Variants in SGCA observed in about 807,000 individuals in gnomAD.
SGCA encodes alpha-sarcoglycan.
A neutral mutation model predicts 38.1 loss-of-function variants in SGCA; 34 were observed. The observed-to-expected ratio is 0.89, with a 90% CI of 0.68 to 1.19. The LOEUF is 1.19. SGCA is among the 50% of genes most tolerant of loss of function. The pLI is 0.00. For synonymous variants in SGCA, 209 were observed against 214.6 expected (o/e 0.97, Z 0.23); for missense variants, 476 against 524.9 (o/e 0.91, Z 0.91).
rs533768162 is a variant in SGCA at position 50,172,982 on chromosome 17, C to G, written c.984-2275C>G. On this transcript the variant is annotated intron_variant, in intron 8 of 9. Transcript: ENST00000262018. ...ATTCCTCAATTTTTTTGGACTGAAC[C>G]AAATTTAAACACTAACATCTACTGG... 2.6e-5 allele frequency among the ~76,000 whole-genome samples: 4 copies of G among 152,184 alleles called. No individual in the cohort carries two copies. In the South Asian group the frequency reaches 8.3e-4, roughly 32 times the overall value.
intron 6 of SGCA, chr17:50,169,878 C>T (rs1221498769): frequency 5.3e-6 from 3 of 569,836 alleles, no homozygotes; most frequent in Non-Finnish European, 9.5e-6. Context: ...ATGCTCACCA[C>T]CACTCCAGGA....
chr17:50,175,476 T>C, intron 9 of SGCA, 27 bp downstream of exon 9: 1 of 1,587,108 alleles, frequency 6.3e-7, no homozygotes, highest in Non-Finnish European at 8.6e-7. Context: ...ATGCCAGCCT[T>C]ATTTCTGGGA....
In SGCA at chr17:50,166,035, G is replaced by A; in HGVS notation, c.-6G>A. On this transcript the variant is annotated 5_prime_UTR_variant, in exon 1 of 10. Transcript: ENST00000262018. ...TCACTCACCGGGCGGGCCAGGCCGG[G>A]CAGCCATGGCTGAGACACTCTTCTG... 1.9e-6 allele frequency: 3 copies of A among 1,613,046 alleles called. No homozygotes were observed. The highest frequency in any genetic ancestry group is 2.5e-6 in the Non-Finnish European group (3 of 1,179,160).
Position 50,170,134 on chromosome 17 carries a change from T to A in SGCA, c.748-9T>A. 1 of 1,613,464 alleles carries A rather than the reference T, an allele frequency of 6.2e-7. No individual in the cohort carries two copies. The highest frequency in any genetic ancestry group is 1.1e-5 in the South Asian group (1 of 91,040). Reference sequence around the variant, plus strand: ...CACTTCCTGCGTCAGCCCTGAGCTCTCTGTGCAGGTGGATAAGTCAGTGCC... The same window carrying A: ...CACTTCCTGCGTCAGCCCTGAGCTCACTGTGCAGGTGGATAAGTCAGTGCC... On this transcript the variant is annotated splice_polypyrimidine_tract_variant and intron_variant, in intron 6 of 9. Coordinates refer to ENST00000262018, the MANE Select transcript of SGCA (RefSeq NM_000023.4).
At chr17:50,173,148 A>T (rs1342421862) in intron 8 of SGCA, among the ~76,000 whole-genome samples, 1 of 152,270 alleles carries the variant, frequency 6.6e-6, no homozygotes, top group African/African-American at 2.4e-5. Flanking sequence ...GTGCAACGTT[A>T]GCCTTGGCTG....
chr17:50,172,034 G>C (rs1311048679), intron 8 of SGCA: 1 of 455,944 alleles, frequency 2.2e-6, no homozygotes, highest in Non-Finnish European at 4.4e-6. Context: ...TTCTCTCCCT[G>C]GGGTAGGTGA....
intron 9 of SGCA, 75 bp from the exon 10 acceptor site, chr17:50,175,637 G>A (rs1237273861): frequency 4.3e-6 from 3 of 696,364 alleles, no homozygotes; most frequent in Non-Finnish European, 7.8e-6. Flanking sequence ...AGCACTCGCA[G>A]TTGGAGTGTC....
At chr17:50,169,611 C>G (rs949982844) in intron 6 of SGCA, 2 of 347,330 alleles carry the variant, frequency 5.8e-6, no homozygotes, top group African/African-American at 4.1e-5. Flanking sequence ...GCTCTGTCTG[C>G]TTTTCTGTAA....
In SGCA at chr17:50,175,832, GA is replaced by G. The variant is rs201486782; in HGVS notation, c.*134del. 4,247 of 479,998 alleles carry G rather than the reference GA, an allele frequency of 8.8e-3. 38 individuals carry two copies. Among genetic ancestry groups the G allele is most frequent in the Non-Finnish European group, 0.013 (3,224 of 242,976 alleles). 29.7% of individuals were successfully genotyped at this position (479,998 alleles called of 1,614,324 possible). On this transcript the variant is annotated 3_prime_UTR_variant, in exon 10 of 10. Coordinates refer to ENST00000262018, the MANE Select transcript of SGCA (RefSeq NM_000023.4). The stretch of plus-strand genomic sequence containing the variant: ...AACCCAGGCTCTAAACAAGCAGGGA[GA>G]GGGGGTGGGGTGGGGTGAGAGTGTG...
At position 50,167,717 on chromosome 17, in the gene SGCA, G is replaced by C. The variant is rs137852621; in HGVS notation, c.293G>C (p.Arg98Pro). The C allele has an allele frequency of 1.9e-6, 3 of 1,611,560 alleles. No individual in the cohort carries two copies. Among genetic ancestry groups the C allele is most frequent in the African/African-American group, 2.7e-5 (2 of 74,858 alleles). ...FLYGSATPED[R>P]GLQVIEVTAY... ...TACGGCTCTGCCACCCCAGAAGATCGTGGGCTCCAGGTCATTGAGGTGCCG... is the reference window on the plus strand; with the variant it reads ...TACGGCTCTGCCACCCCAGAAGATCCTGGGCTCCAGGTCATTGAGGTGCCG... Residue 98 changes from arginine (R) to proline (P), a missense_variant, in exon 3 of 10, where the codon CGT (arginine) becomes CCT (proline). Physicochemically the swap from Arg to Pro is moderately radical, Grantham distance 103. Coordinates refer to ENST00000262018, the MANE Select transcript of SGCA (RefSeq NM_000023.4). The surrounding 1 kb of genome is among the most constrained non-coding windows in gnomAD (Gnocchi z 4.5).
chr17:50,168,231 A>G (rs1300946220), intron 4 of SGCA, 143 bp from the exon 5 acceptor site: 1 of 828,156 alleles, frequency 1.2e-6, no homozygotes, highest in Admixed American at 2.0e-5. Flanking sequence ...GACTATTGGG[A>G]CTTGGCTTGT....
intron 5 of SGCA, 101 bp downstream of exon 5, chr17:50,168,673 G>A (rs530380742): frequency 1.4e-5 from 14 of 1,032,890 alleles, no homozygotes; most frequent in Non-Finnish European, 1.9e-5. Context: ...GCTTTACCAC[G>A]CACATCTCCA....
intron 6 of SGCA, 139 bp from the exon 7 acceptor site, chr17:50,170,004 C>G: frequency 1.4e-6 from 1 of 733,064 alleles, no homozygotes; most frequent in East Asian, 2.7e-5. Flanking sequence ...GACCCTAGAG[C>G]TGTGCGCTAA....
chr17:50,168,681 C>A, intron 5 of SGCA, 109 bp downstream of exon 5: 1 of 957,924 alleles, frequency 1.0e-6, no homozygotes, highest in Non-Finnish European at 1.6e-6. Context: ...ACGCACATCT[C>A]CACCTCCCAG....
At chr17:50,169,489 C>T (rs1905204326) in intron 6 of SGCA, 12 of 555,292 alleles carry the variant, frequency 2.2e-5, no homozygotes, top group South Asian at 9.1e-5. Context: ...CAACAGAGTC[C>T]GCAATCCGCA....
At chr17:50,173,543 A>G (rs547383976) in intron 8 of SGCA, among the ~76,000 whole-genome samples, 39 of 152,098 alleles carry the variant, frequency 2.6e-4, no homozygotes, top group East Asian at 7.7e-4. Context: ...TCCCCAGCAC[A>G]TTTTTCCACC....
intron 6 of SGCA, chr17:50,169,455 T>C (rs1598269275): frequency 2.1e-6 from 1 of 474,140 alleles, no homozygotes; most frequent in South Asian, 2.8e-5. Flanking sequence ...ACCCCTGAAG[T>C]TCTACCTTTC....
In SGCA at chr17:50,175,308, G is replaced by A. The variant is rs374989747; in HGVS notation, c.1035G>A (p.Arg345=). 8 of 1,608,674 alleles carry A rather than the reference G, an allele frequency of 5.0e-6. No individual in the cohort carries two copies. The East Asian group carries it at 1.3e-4, about 27-fold the overall frequency. Residue 345 remains arginine (R), a synonymous_variant, in exon 9 of 10, where the codon CGG becomes CGA. Coordinates refer to ENST00000262018, the MANE Select transcript of SGCA (RefSeq NM_000023.4). ...CTIHGNTEEL[R]QMAASREVPR... Reference sequence around the variant, plus strand: ...TCCACGGGAACACAGAGGAGCTGCGGCAGATGGCGGCCAGCCGCGAGGTGC... The same window carrying A: ...TCCACGGGAACACAGAGGAGCTGCGACAGATGGCGGCCAGCCGCGAGGTGC...
In SGCA at chr17:50,167,353, G is replaced by C; in HGVS notation, c.38-15G>C. 6.2e-7 allele frequency: 1 copy of C among 1,614,032 alleles called. No homozygotes were observed. The highest frequency in any genetic ancestry group is 2.2e-5 in the East Asian group (1 of 44,876). ...AGGCTGGCCTGTGTGTTTGGGACTT[G>C]TGGGGTCCCCACAGTTCTCCTGGCA... On this transcript the variant is annotated splice_polypyrimidine_tract_variant and intron_variant, in intron 1 of 9. Coordinates refer to ENST00000262018, the MANE Select transcript of SGCA (RefSeq NM_000023.4). This position sits in a 1 kb window ranked among gnomAD's most constrained non-coding sequence, Gnocchi z 4.5.
Sources: gnomAD v4.1 joint callset for allele counts (sites outside exome capture counted in the v4.1 genomes callset) on GRCh38, gnomAD v4.1.1 for gene constraint, Gnocchi (gnomAD v3.1) non-coding constraint, MANE v1.5 for transcripts, NCBI Gene and HGNC (gene_info 2026-07-23, HGNC 2026-07-21) for gene names.